Variants in ADGRB3 observed in about 807,000 individuals in gnomAD.
ADGRB3 encodes brain-specific angiogenesis inhibitor 3.
Under a neutral mutation model 193.4 loss-of-function variants are expected in ADGRB3, and 37 were observed. The ratio of observed to expected loss-of-function variants is 0.19; its 90% CI spans 0.15 to 0.25. The LOEUF is 0.25. Ranked by LOEUF, ADGRB3 falls within the 10% of genes least tolerant of loss-of-function variation. ADGRB3 has a pLI of 1.00. For missense variants in ADGRB3, 1,637 were observed against 1,852.9 expected, an observed-to-expected ratio of 0.88 and a Z score of 2.14; for synonymous variants, 690 against 644.2, an observed-to-expected ratio of 1.07 and a Z score of -1.08.
At position 68,936,640 on chromosome 6, in the gene ADGRB3, A is replaced by T; in HGVS notation, c.990A>T (p.Leu330Phe). ...ACGGGACACACTGCAGCGGCCCATT[A>T]AGAGAATCAAGGGTTTGCAATAACA... Reference protein sequence around the residue: ...SPYGTHCSGPLRESRVCNNTA... With the variant: ...SPYGTHCSGPFRESRVCNNTA... The change falls in exon 5 of 32, where the codon TTA becomes TTT. Residue 330 changes from leucine (L) to phenylalanine (F), a missense_variant. Transcript: ENST00000370598. 1 of 1,613,742 alleles carries T rather than the reference A, an allele frequency of 6.2e-7. No homozygotes were observed. The highest frequency in any genetic ancestry group is 1.7e-5 in the Admixed American group (1 of 59,968).
At chr6:68,901,338 A>G (rs181740241) in intron 3 of ADGRB3, among the ~76,000 whole-genome samples, 4 of 152,302 alleles carry the variant, frequency 2.6e-5, no homozygotes, top group African/African-American at 9.6e-5. Context: ...AGTGCCTCAG[A>G]ACATGATAGC....
At chr6:69,073,960 A>G (rs1273734394) in intron 16 of ADGRB3, among the ~76,000 whole-genome samples, 1 of 152,214 alleles carries the variant, frequency 6.6e-6, no homozygotes, top group Non-Finnish European at 1.5e-5. Flanking sequence ...ATCATTTTCA[A>G]TTGCTAATGA....
At chr6:69,149,508 G>T (rs1215726817) in intron 17 of ADGRB3, among the ~76,000 whole-genome samples, 1 of 151,974 alleles carries the variant, frequency 6.6e-6, no homozygotes, top group Non-Finnish European at 1.5e-5. Context: ...TGACTGAAAG[G>T]TCCCGTATCT....
chr6:69,127,624 A>G (rs761355365), intron 17 of ADGRB3, among the ~76,000 whole-genome samples: 19 of 152,332 alleles, frequency 1.2e-4, no homozygotes, highest in Non-Finnish European at 2.2e-4. Flanking sequence ...TGTACAAAAC[A>G]TAGCTGGATC....
At chr6:68,951,209 C>T (rs966686823) in intron 6 of ADGRB3, among the ~76,000 whole-genome samples, 20 of 152,202 alleles carry the variant, frequency 1.3e-4, no homozygotes, top group African/African-American at 4.3e-4. Flanking sequence ...ATTTATTTTA[C>T]AGTCCTCAGC....
intron 17 of ADGRB3, among the ~76,000 whole-genome samples, chr6:69,151,677 T>C (rs1389803686): frequency 6.6e-6 from 1 of 152,184 alleles, no homozygotes; most frequent in Non-Finnish European, 1.5e-5. Flanking sequence ...CATTTTGCTC[T>C]GCCCTGTGAT....
chr6:69,136,383 C>G (rs1774149954), intron 17 of ADGRB3, among the ~76,000 whole-genome samples: 1 of 152,138 alleles, frequency 6.6e-6, no homozygotes, highest in African/African-American at 2.4e-5. Flanking sequence ...CAACTTTTCT[C>G]TATAAATGTA....
intron 17 of ADGRB3, among the ~76,000 whole-genome samples, chr6:69,203,451 G>GTTTT (rs5877199): frequency 6.8e-6 from 1 of 146,828 alleles, no homozygotes; most frequent in African/African-American, 2.5e-5. Context: ...CATTGTTTTT[G>GTTTT]TTTTTTTTTT....
chr6:69,388,943 A>C lies in ADGRB3; in HGVS notation c.*52A>C. 1 of 1,519,150 alleles carries C rather than the reference A, an allele frequency of 6.6e-7. No individual in the cohort carries two copies. Among genetic ancestry groups the C allele is most frequent in the Non-Finnish European group, 8.9e-7 (1 of 1,123,902 alleles). 94.1% of individuals were successfully genotyped at this position (1,519,150 alleles called of 1,614,324 possible). On this transcript the variant is annotated 3_prime_UTR_variant, in exon 32 of 32. Coordinates refer to ENST00000370598, the MANE Select transcript of ADGRB3 (RefSeq NM_001704.3). Reference sequence around the variant, plus strand: ...ACAAAACTTTATTGCACTGACACTTAAGACTTGGGAAGCCTGACATTTCTA... The same window carrying C: ...ACAAAACTTTATTGCACTGACACTTCAGACTTGGGAAGCCTGACATTTCTA...
At chr6:68,823,303 A>C (rs933171843) in intron 3 of ADGRB3, among the ~76,000 whole-genome samples, 4 of 152,022 alleles carry the variant, frequency 2.6e-5, no homozygotes, top group African/African-American at 9.7e-5. Flanking sequence ...CTTTTATGAT[A>C]GAAAAATTGA....
intron 13 of ADGRB3, among the ~76,000 whole-genome samples, chr6:69,027,111 C>T (rs1455446003): frequency 6.6e-6 from 1 of 152,056 alleles, no homozygotes; most frequent in Non-Finnish European, 1.5e-5. Context: ...TGTAATAATA[C>T]ATTGCCTAAA....
chr6:69,265,511 C>A (rs755492846), intron 20 of ADGRB3, among the ~76,000 whole-genome samples: 9 of 151,878 alleles, frequency 5.9e-5, no homozygotes, highest in Non-Finnish European at 1.3e-4. Flanking sequence ...TTAAAGCACC[C>A]AAATCTCTCA....
chr6:69,030,129 G>A (rs9454679), intron 13 of ADGRB3, among the ~76,000 whole-genome samples: 2,485 of 152,128 alleles, frequency 0.016, 65 homozygotes, highest in African/African-American at 0.057. Flanking sequence ...TGCTGGAGAG[G>A]ATGTGGAGAA....
intron 3 of ADGRB3, among the ~76,000 whole-genome samples, chr6:68,664,805 C>T (rs1768758887): frequency 6.6e-6 from 1 of 151,776 alleles, no homozygotes; most frequent in Non-Finnish European, 1.5e-5. Flanking sequence ...TTTACTGCCT[C>T]CAAATATTTG....
At chr6:68,763,367 G>C (rs931199415) in intron 3 of ADGRB3, among the ~76,000 whole-genome samples, 3 of 152,178 alleles carry the variant, frequency 2.0e-5, no homozygotes, top group Non-Finnish European at 2.9e-5. Flanking sequence ...TGGGGTTACA[G>C]GCATCAGCCA....
chr6:68,669,650 G>GTGTA (rs1491045399), intron 3 of ADGRB3, among the ~76,000 whole-genome samples: 1 of 125,814 alleles, frequency 7.9e-6, no homozygotes, highest in Non-Finnish European at 1.7e-5. Flanking sequence ...GTGTGTGTGT[G>GTGTA]TATACCAAAT....
At chr6:69,015,136 G>T (rs1465416339) in intron 12 of ADGRB3, among the ~76,000 whole-genome samples, 2 of 151,982 alleles carry the variant, frequency 1.3e-5, no homozygotes, top group Non-Finnish European at 2.9e-5. Context: ...AGAAGATGGT[G>T]TCTTTCCTTA....
At chr6:69,314,540 G>A (rs189243974) in intron 20 of ADGRB3, among the ~76,000 whole-genome samples, 2 of 151,600 alleles carry the variant, frequency 1.3e-5, no homozygotes, top group African/African-American at 4.8e-5. Context: ...AAGAGATGAT[G>A]TTTCCTCATC....
intron 3 of ADGRB3, among the ~76,000 whole-genome samples, chr6:68,669,409 C>T (rs1443021051): frequency 1.3e-5 from 2 of 150,128 alleles, no homozygotes; most frequent in African/African-American, 2.5e-5. Flanking sequence ...CCTTCCCTGC[C>T]TCTGGTAACC....
Sources: gnomAD v4.1 joint callset for allele counts (sites outside exome capture counted in the v4.1 genomes callset) on GRCh38, gnomAD v4.1.1 for gene constraint, MANE v1.5 for transcripts, NCBI Gene and HGNC (gene_info 2026-07-23, HGNC 2026-07-21) for gene names.